Variants in CAMKK2 observed in about 807,000 individuals in gnomAD.
CAMKK2 encodes calcium/calmodulin dependent protein kinase kinase 2.
A neutral mutation model predicts 67.2 loss-of-function variants in CAMKK2; 30 were observed. That is an observed-to-expected ratio of 0.45 (90% CI 0.33 to 0.61). The LOEUF is 0.61. Ranked by LOEUF, CAMKK2 falls within the 20% of genes least tolerant of loss-of-function variation. The pLI is 0.02. For synonymous variants in CAMKK2, 322 were observed against 326.2 expected, an observed-to-expected ratio of 0.99 and a Z score of 0.14; for missense variants, 643 against 802.0, an observed-to-expected ratio of 0.80 and a Z score of 2.39.
At chr12:121,267,753 C>T (rs1355699845) in intron 5 of CAMKK2, among the ~76,000 whole-genome samples, 1 of 152,010 alleles carries the variant, frequency 6.6e-6, no homozygotes, top group Non-Finnish European at 1.5e-5. Flanking sequence ...CTCGGCCTCC[C>T]AGAGTGCTGG....
Position 121,255,530 on chromosome 12 carries a change from CT to C in CAMKK2, c.907+19del, listed in dbSNP as rs747551542. 1.9e-6 allele frequency: 3 copies of C among 1,595,924 alleles called. No individual in the cohort carries two copies. The highest frequency in any genetic ancestry group is 2.6e-6 in the Non-Finnish European group (3 of 1,169,236). On this transcript the variant is annotated intron_variant, in intron 9 of 16. Transcript: ENST00000404169. ...GCTAACTACCCACTGGGTGAGAGCCCTCCCGCAGGCCCTGCTCACAGTACTC... is the reference window on the plus strand; with the variant it reads ...GCTAACTACCCACTGGGTGAGAGCCCCCCGCAGGCCCTGCTCACAGTACTC...
chr12:121,281,201 G>C (rs1389330917), intron 1 of CAMKK2, among the ~76,000 whole-genome samples: 1 of 152,230 alleles, frequency 6.6e-6, no homozygotes, highest in Non-Finnish European at 1.5e-5. Context: ...CAGGTCCCCC[G>C]CTAGACGCGG....
rs983472035 is a variant in CAMKK2 at position 121,244,009 on chromosome 12, A to G, written c.1596+564T>C. Reference sequence around the variant, plus strand: ...TCATCTGTCCTGGGAGGTTCTGGTCACCTGGGCTGGCTATGTGTATGAAGG... The same window carrying G: ...TCATCTGTCCTGGGAGGTTCTGGTCGCCTGGGCTGGCTATGTGTATGAAGG... On this transcript the variant is annotated intron_variant, in intron 16 of 16. Transcript: ENST00000404169. The G allele has an allele frequency of 2.8e-5, 44 of 1,547,938 alleles. No individual in the cohort carries two copies. In the African/African-American group the frequency reaches 5.2e-4, roughly 18 times the overall value.
intron 1 of CAMKK2, among the ~76,000 whole-genome samples, chr12:121,292,711 C>T (rs1287303268): frequency 6.6e-6 from 1 of 152,100 alleles, no homozygotes; most frequent in African/African-American, 2.4e-5. Flanking sequence ...GGCTATAATC[C>T]AATCCCAGCA....
chr12:121,278,172 C>A lies in CAMKK2; in HGVS notation c.-59-3587G>T, dbSNP rs1593452835. ...AAGAAATCATCAACTCTGTCCCTGT[C>A]TCAGTTTCCCCATCAATGAGAGAAT... On this transcript the variant is annotated intron_variant, in intron 1 of 16. Transcript: ENST00000404169. Among the ~76,000 whole-genome samples the A allele has an allele frequency of 3.3e-5, 5 of 152,084 alleles. No homozygotes were observed. In the South Asian group the frequency reaches 8.3e-4, roughly 25 times the overall value.
intron 3 of CAMKK2, chr12:121,269,807 G>A (rs1895356016): frequency 2.2e-6 from 1 of 449,736 alleles, no homozygotes; most frequent in African/African-American, 2.0e-5. Context: ...CCAATACTTT[G>A]GGAGGCCGAG....
chr12:121,259,045 G>A (rs1332634564), intron 7 of CAMKK2, among the ~76,000 whole-genome samples: 6 of 152,000 alleles, frequency 3.9e-5, no homozygotes, highest in Non-Finnish European at 7.4e-5. Flanking sequence ...GTTTCGCTAT[G>A]CTGCCCAGGC....
intron 6 of CAMKK2, 27 bp from the exon 7 acceptor site, chr12:121,260,382 G>A (rs983164360): frequency 6.2e-7 from 1 of 1,608,128 alleles, no homozygotes; most frequent in Non-Finnish European, 8.5e-7. Flanking sequence ...GGAATAGGCA[G>A]GAGACGGATG....
intron 2 of CAMKK2, among the ~76,000 whole-genome samples, 180 bp downstream of exon 2, chr12:121,273,876 C>A (rs1276689150): frequency 6.6e-6 from 1 of 152,028 alleles, no homozygotes; most frequent in Non-Finnish European, 1.5e-5. Context: ...TGCTGATTCA[C>A]GACCCCCCTA....
intron 11 of CAMKK2, among the ~76,000 whole-genome samples, chr12:121,251,534 G>A (rs1358621527): frequency 6.6e-6 from 1 of 152,010 alleles, no homozygotes; most frequent in African/African-American, 2.4e-5. Context: ...GAGTTAAAAC[G>A]AGAAGGCCAG....
At chr12:121,264,085 A>C in intron 5 of CAMKK2, 146 bp from the exon 6 acceptor site, 1 of 682,896 alleles carries the variant, frequency 1.5e-6, no homozygotes, top group Non-Finnish European at 2.3e-6. Flanking sequence ...GCTTTAACTA[A>C]CCCTCTACTC....
intron 16 of CAMKK2, among the ~76,000 whole-genome samples, chr12:121,243,261 G>C (rs1221534589): frequency 6.6e-6 from 1 of 151,078 alleles, no homozygotes; most frequent in Non-Finnish European, 1.5e-5. Context: ...TCAAACTCCT[G>C]ACCTCATGAT....
intron 7 of CAMKK2, among the ~76,000 whole-genome samples, chr12:121,259,501 C>A (rs1464083351): frequency 6.6e-6 from 1 of 152,158 alleles, no homozygotes; most frequent in African/African-American, 2.4e-5. Flanking sequence ...GAGAGAATTA[C>A]GCTAAGAATG....
rs568816198 is a variant in CAMKK2 at position 121,276,098 on chromosome 12, T to C, written c.-59-1513A>G. ...TCACTTGAACCCGGGAGGCGGAGGT[T>C]GCAATGAGCCGAGATCACGCCACTG... is the stretch of plus-strand genomic sequence containing the variant. On this transcript the variant is annotated intron_variant, in intron 1 of 16. Transcript: ENST00000404169. Among the ~76,000 whole-genome samples, 11 of 145,852 alleles carry C rather than the reference T, an allele frequency of 7.5e-5. No homozygotes were observed. The South Asian group carries it at 2.4e-3, about 31-fold the overall frequency.
intron 7 of CAMKK2, among the ~76,000 whole-genome samples, chr12:121,257,302 A>C (rs1403464031): frequency 1.3e-5 from 2 of 150,270 alleles, no homozygotes; most frequent in African/African-American, 2.5e-5. Flanking sequence ...GCTGGAGTGC[A>C]GTGGCACGAT....
At chr12:121,248,903 T>G (rs1323034292) in intron 13 of CAMKK2, among the ~76,000 whole-genome samples, 169 bp from the exon 14 acceptor site, 1 of 152,174 alleles carries the variant, frequency 6.6e-6, no homozygotes, top group Non-Finnish European at 1.5e-5. Flanking sequence ...GGCGGAAACA[T>G]GAAGACGGAG....
chr12:121,264,797 T>C (rs1894195630), intron 5 of CAMKK2, among the ~76,000 whole-genome samples: 1 of 146,262 alleles, frequency 6.8e-6, no homozygotes, highest in Admixed American at 6.9e-5. Flanking sequence ...ATAATAATAA[T>C]AATAATAATA....
chr12:121,291,203 G>A (rs919787093), intron 1 of CAMKK2, among the ~76,000 whole-genome samples: 2 of 152,208 alleles, frequency 1.3e-5, no homozygotes, highest in African/African-American at 4.8e-5. Flanking sequence ...CCTTGGGTTG[G>A]GAAACTGGTT....
intron 7 of CAMKK2, among the ~76,000 whole-genome samples, chr12:121,258,790 C>T (rs1892860519): frequency 6.6e-6 from 1 of 151,994 alleles, no homozygotes; most frequent in Non-Finnish European, 1.5e-5. Context: ...TCTCATTCCA[C>T]CCGTCAGCTC....
Sources: allele counts gnomAD v4.1 joint callset (sites outside exome capture counted in the v4.1 genomes callset), GRCh38; gene constraint gnomAD v4.1.1; transcripts MANE v1.5; gene names NCBI Gene and HGNC (gene_info 2026-07-23, HGNC 2026-07-21).